Variants in IL5RA observed in about 807,000 individuals in gnomAD.
IL5RA encodes interleukin 5 receptor subunit alpha, also known as interleukin-5 receptor subunit alpha.
IL5RA carries 49 observed loss-of-function variants against 50.0 expected under a neutral mutation model. That is an observed-to-expected ratio of 0.98 (90% CI 0.78 to 1.24). The LOEUF (loss-of-function observed/expected upper bound fraction) is 1.24. Among genes scored for constraint, IL5RA ranks in the 50% most tolerant of loss-of-function variants. IL5RA has a pLI of 0.00. For missense variants in IL5RA, 600 were observed against 500.4 expected (o/e 1.20, Z -1.90); for synonymous variants, 202 against 174.0 (o/e 1.16, Z -1.26).
In IL5RA at chr3:3,110,372, T is replaced by C. The variant is rs1359388104; in HGVS notation, c.-573A>G. Reference sequence around the variant, plus strand: ...TCTAAAGCGTTGCATTTCTGTTTTGTTTATGTGCCTTGTTTGGCTACAGTA... The same window carrying C: ...TCTAAAGCGTTGCATTTCTGTTTTGCTTATGTGCCTTGTTTGGCTACAGTA... On this transcript the variant is annotated 5_prime_UTR_variant, in exon 1 of 12. Transcript: ENST00000446632. The C allele has an allele frequency of 6.6e-6, 1 of 152,218 alleles. No individual in the cohort carries two copies. Among genetic ancestry groups the C allele is most frequent in the East Asian group, 1.9e-4 (1 of 5,190 alleles). The allele number at this position is 152,218 out of a possible 1,614,324, so 9.4% of individuals were successfully genotyped here. A position where few individuals can be genotyped will look rare whatever the true frequency, so the allele number is the denominator to read the frequency against.
At chr3:3,088,470 C>T (rs17882675) in intron 9 of IL5RA, among the ~76,000 whole-genome samples, 225 of 152,340 alleles carry the variant, frequency 1.5e-3, no homozygotes, top group African/African-American at 4.3e-3. Context: ...ATCCTCAATG[C>T]TGCACTCTAA....
At chr3:3,096,755 C>A (rs945610992) in intron 7 of IL5RA, among the ~76,000 whole-genome samples, 1 of 152,134 alleles carries the variant, frequency 6.6e-6, no homozygotes, top group African/African-American at 2.4e-5. Flanking sequence ...ATTGCATAAC[C>A]TCTTTAGTAA....
chr3:3,102,990 A>C, intron 3 of IL5RA, 170 bp from the exon 4 acceptor site: 2 of 511,084 alleles, frequency 3.9e-6, no homozygotes, highest in Non-Finnish European at 6.8e-6. Flanking sequence ...GAAAGTGGCT[A>C]TTTCTACCCG....
At chr3:3,088,027 A>T (rs1027178341) in intron 9 of IL5RA, among the ~76,000 whole-genome samples, 2 of 152,216 alleles carry the variant, frequency 1.3e-5, no homozygotes, top group African/African-American at 4.8e-5. Flanking sequence ...CATGAAAAGG[A>T]TGGCAGTAAA....
intron 9 of IL5RA, among the ~76,000 whole-genome samples, chr3:3,085,302 G>T (rs1391239818): frequency 6.6e-6 from 1 of 152,134 alleles, no homozygotes; most frequent in Non-Finnish European, 1.5e-5. Flanking sequence ...TAGACCCAGT[G>T]GCTCCCATCT....
At chr3:3,079,105 A>G (rs1702581206) in intron 9 of IL5RA, among the ~76,000 whole-genome samples, 1 of 152,064 alleles carries the variant, frequency 6.6e-6, no homozygotes, top group Non-Finnish European at 1.5e-5. Flanking sequence ...CTCTCCACTC[A>G]TCCTTTGACC....
At chr3:3,080,569 TGA>T (rs1702628611) in intron 9 of IL5RA, among the ~76,000 whole-genome samples, 8 of 152,370 alleles carry the variant, frequency 5.3e-5, no homozygotes, top group Admixed American at 5.2e-4. Flanking sequence ...TCCCCGTTTC[TGA>T]TAAGGCTAAG....
At chr3:3,099,155 T>G (rs1443668251) in intron 5 of IL5RA, among the ~76,000 whole-genome samples, 1 of 152,230 alleles carries the variant, frequency 6.6e-6, no homozygotes, top group East Asian at 1.9e-4. Flanking sequence ...GCAGACTTGA[T>G]GCACATTAGC....
intron 9 of IL5RA, among the ~76,000 whole-genome samples, chr3:3,081,923 A>G (rs1702677087): frequency 2.0e-5 from 3 of 152,224 alleles, no homozygotes; most frequent in African/African-American, 7.2e-5. Context: ...TGAAAACAGA[A>G]CTAACCCCTG....
At chr3:3,105,034 A>G in intron 2 of IL5RA, 47 bp from the exon 3 acceptor site, 1 of 1,202,226 alleles carries the variant, frequency 8.3e-7, no homozygotes, top group Non-Finnish European at 1.2e-6. Context: ...TGCTATTTTT[A>G]AGAAAAACTG....
In IL5RA at chr3:3,104,960, G is replaced by A. The variant is rs1703839100; in HGVS notation, c.25C>T (p.Leu9Phe). The A allele has an allele frequency of 6.2e-7, 1 of 1,612,452 alleles. No individual in the cohort carries two copies. Among genetic ancestry groups the A allele is most frequent in the South Asian group, 1.1e-5 (1 of 91,000 alleles). MIIVAHVL[L>F]ILLGATEILQ... ...ATCTCAGTGGCCCCCAAAAGGATGA[G>A]TAATACATGCGCCACGATGATCATA... The change falls in exon 3 of 12, where the codon CTC becomes TTC. Residue 9 changes from leucine to phenylalanine, a missense_variant. Physicochemically the swap from Leu to Phe is conservative, Grantham distance 22. Coordinates refer to ENST00000446632, the MANE Select transcript of IL5RA (RefSeq NM_175726.4).
At position 3,092,495 on chromosome 3, in the gene IL5RA, C is replaced by T. The variant is rs1259594255; in HGVS notation, c.856-133G>A. 11 of 822,620 alleles carry T rather than the reference C, an allele frequency of 1.3e-5. No individual in the cohort carries two copies. Among genetic ancestry groups the T allele is most frequent in the Non-Finnish European group, 2.1e-5 (11 of 512,614 alleles). 51.0% of individuals were successfully genotyped at this position (822,620 alleles called of 1,614,324 possible). A position where few individuals can be genotyped will look rare whatever the true frequency, so the allele number is the denominator to read the frequency against. On this transcript the variant is annotated intron_variant, in intron 8 of 11. Coordinates refer to ENST00000446632, the MANE Select transcript of IL5RA (RefSeq NM_175726.4). The surrounding 1 kb of genome is among the most constrained non-coding windows in gnomAD (Gnocchi z 4.2). ...AGTCCTTTAAAATCAACAGGGCACA[C>T]ATTAATTCGTTTATGCTAGGTGCGT...
At chr3:3,070,675 C>A (rs555158007) in intron 11 of IL5RA, among the ~76,000 whole-genome samples, 2 of 150,570 alleles carry the variant, frequency 1.3e-5, no homozygotes, top group African/African-American at 4.9e-5. Context: ...CTCCACCTCC[C>A]AGGTTCAAGT....
chr3:3,088,064 G>A (rs1168028518), intron 9 of IL5RA, among the ~76,000 whole-genome samples: 2 of 152,146 alleles, frequency 1.3e-5, no homozygotes, highest in African/African-American at 4.8e-5. Context: ...ATAGATAATG[G>A]CAACGAGGTA....
chr3:3,087,636 T>TAGG (rs56921132), intron 9 of IL5RA, among the ~76,000 whole-genome samples: 1 of 151,058 alleles, frequency 6.6e-6, no homozygotes. Context: ...ATTAAAATAA[T>TAGG]GGGGGGGAAA....
At chr3:3,094,847 G>A (rs1559872786) in intron 8 of IL5RA, among the ~76,000 whole-genome samples, 1 of 151,968 alleles carries the variant, frequency 6.6e-6, no homozygotes, top group African/African-American at 2.4e-5. Flanking sequence ...CTCAGCCCCT[G>A]CCCCCGAGTA....
At chr3:3,083,413 CTG>C (rs1387551426) in intron 9 of IL5RA, among the ~76,000 whole-genome samples, 1 of 152,116 alleles carries the variant, frequency 6.6e-6, no homozygotes, top group Non-Finnish European at 1.5e-5. Context: ...GAAATGGAGA[CTG>C]TGTATTTGTG....
chr3:3,084,841 G>A (rs1702793249), intron 9 of IL5RA, among the ~76,000 whole-genome samples: 1 of 152,250 alleles, frequency 6.6e-6, no homozygotes, highest in African/African-American at 2.4e-5. Context: ...GATGATAAAA[G>A]ATGATGTAGA....
At chr3:3,077,299 ACTT>A (rs1481718514) in intron 9 of IL5RA, among the ~76,000 whole-genome samples, 1 of 152,082 alleles carries the variant, frequency 6.6e-6, no homozygotes, top group African/African-American at 2.4e-5. Flanking sequence ...TCTTCTAGGA[ACTT>A]CTTTTTTTTA....
Sources: allele counts gnomAD v4.1 joint callset (sites outside exome capture counted in the v4.1 genomes callset), GRCh38; gene constraint gnomAD v4.1.1; non-coding constraint Gnocchi (gnomAD v3.1); transcripts MANE v1.5; gene names NCBI Gene and HGNC (gene_info 2026-07-23, HGNC 2026-07-21).